CACNA1A: variants seen among roughly 807,000 people sequenced by gnomAD.
The protein encoded by CACNA1A is calcium voltage-gated channel subunit alpha1 A.
Under a neutral mutation model 262.4 loss-of-function variants are expected in CACNA1A, and 57 were observed. The ratio of observed to expected loss-of-function variants is 0.22; its 90% CI spans 0.18 to 0.27. CACNA1A has a LOEUF of 0.27. Among genes scored for constraint, CACNA1A ranks in the 10% least tolerant of loss-of-function variants. The pLI is 1.00. For synonymous variants in CACNA1A, 1,431 were observed against 1,419.3 expected, an observed-to-expected ratio of 1.01 and a Z score of -0.18; for missense variants, 2,526 against 3,562.8, an observed-to-expected ratio of 0.71 and a Z score of 7.41.
At chr19:13,364,745 T>C (rs1019351187) in intron 5 of CACNA1A, 7 of 152,466 alleles carry the variant, frequency 4.6e-5, no homozygotes, top group African/African-American at 1.7e-4. Context: ...GTTCAAGTGA[T>C]TCTCCTGCCT....
chr19:13,355,091 G>C (rs887510681), intron 6 of CACNA1A, among the ~76,000 whole-genome samples: 36 of 152,036 alleles, frequency 2.4e-4, no homozygotes, highest in African/African-American at 5.1e-4. Context: ...GGCCAGGCTG[G>C]TCTCAAACTC....
At chr19:13,452,556 T>C in intron 3 of CACNA1A, 1 of 193,888 alleles carries the variant, frequency 5.2e-6, no homozygotes, top group South Asian at 1.6e-4. Context: ...GAGTTTCTGA[T>C]TCCTCAGTGG....
At chr19:13,349,377 C>A (rs950317177) in intron 6 of CACNA1A, among the ~76,000 whole-genome samples, 13 of 152,290 alleles carry the variant, frequency 8.5e-5, no homozygotes, top group African/African-American at 3.1e-4. Context: ...GAGGGTAGGT[C>A]CTGTACCCCA....
chr19:13,374,902 C>T (rs2059379765), intron 3 of CACNA1A, among the ~76,000 whole-genome samples: 1 of 152,160 alleles, frequency 6.6e-6, no homozygotes, highest in African/African-American at 2.4e-5. Flanking sequence ...AACTCCTGGG[C>T]TCAAGGGATC....
chr19:13,207,976 G>A lies in CACNA1A; in HGVS notation c.6858C>T (p.Leu2286=), dbSNP rs1438053529. Residue 2286 remains leucine, a synonymous_variant, in exon 47 of 47, where the codon CTC becomes CTT. Transcript: ENST00000360228. The surrounding 1 kb of genome is among the most constrained non-coding windows in gnomAD (Gnocchi z 5.7). ...TSTPRRGRRQ[L]PQTPSTPRPH... ...GCCGGGGGGTGGAGGGGGTCTGGGG[G>A]AGCTGGCGGCGGCCCCGCCGCGGAG... The A allele has an allele frequency of 1.5e-6, 2 of 1,332,800 alleles. No homozygotes were observed. The highest frequency in any genetic ancestry group is 1.9e-6 in the Non-Finnish European group (2 of 1,045,758). The allele number at this position is 1,332,800 out of a possible 1,614,324, so 82.6% of individuals were successfully genotyped here.
At chr19:13,217,924 ATTCTTTTTT>A (rs1233238476) in intron 38 of CACNA1A, among the ~76,000 whole-genome samples, 1 of 103,498 alleles carries the variant, frequency 9.7e-6, no homozygotes, top group Non-Finnish European at 1.8e-5. Flanking sequence ...TGTATAGTTC[ATTCTTTTTT>A]TTTTTTTTTT....
chr19:13,376,574 T>G (rs982354765), intron 3 of CACNA1A, among the ~76,000 whole-genome samples: 2 of 148,800 alleles, frequency 1.3e-5, no homozygotes, highest in Non-Finnish European at 3.0e-5. Context: ...TAATATATGT[T>G]ATATATAACA....
chr19:13,230,923 G>A (rs1308819100), intron 35 of CACNA1A, among the ~76,000 whole-genome samples: 1 of 151,968 alleles, frequency 6.6e-6, no homozygotes, highest in African/African-American at 2.4e-5. Context: ...GAACCACTGT[G>A]ACCCCAAATC....
At chr19:13,255,672 C>CCCTCCCTCCTTCCTTCATT (rs2056527107) in intron 28 of CACNA1A, among the ~76,000 whole-genome samples, 1 of 135,098 alleles carries the variant, frequency 7.4e-6, no homozygotes, top group Non-Finnish European at 1.6e-5. Context: ...CTCCCTCGCT[C>CCCTCCCTCCTTCCTTCATT]CCTCCCTCCT....
chr19:13,294,137 T>A (rs2057606222), intron 19 of CACNA1A, among the ~76,000 whole-genome samples: 1 of 150,806 alleles, frequency 6.6e-6, no homozygotes, highest in Non-Finnish European at 1.5e-5. Flanking sequence ...ACATGAGGTC[T>A]TGCTCATCTC....
chr19:13,390,682 T>C (rs1203016713), intron 3 of CACNA1A, among the ~76,000 whole-genome samples: 1 of 152,192 alleles, frequency 6.6e-6, no homozygotes, highest in East Asian at 1.9e-4. Context: ...TTCTATCCAC[T>C]ATTTACCATG....
intron 3 of CACNA1A, among the ~76,000 whole-genome samples, chr19:13,420,042 C>T (rs1348468187): frequency 1.3e-5 from 2 of 152,004 alleles, no homozygotes; most frequent in East Asian, 1.9e-4. Context: ...GCCGAGACTA[C>T]TACACTCCAG....
At chr19:13,476,989 T>A (rs1228343457) in intron 1 of CACNA1A, among the ~76,000 whole-genome samples, 1 of 152,084 alleles carries the variant, frequency 6.6e-6, no homozygotes, top group Non-Finnish European at 1.5e-5. Context: ...CCCAGCTCCC[T>A]CAGAGCAAAA....
At chr19:13,294,387 C>G (rs2057615201) in intron 19 of CACNA1A, among the ~76,000 whole-genome samples, 1 of 151,276 alleles carries the variant, frequency 6.6e-6, no homozygotes, top group Admixed American at 6.6e-5. Flanking sequence ...GCCTCCCATT[C>G]TCTAAATGCT....
intron 24 of CACNA1A, 54 bp downstream of exon 24, chr19:13,275,796 C>T (rs2057133433): frequency 8.2e-7 from 1 of 1,221,478 alleles, no homozygotes; most frequent in Non-Finnish European, 1.2e-6. Flanking sequence ...ATGTGTGGCC[C>T]AGGCTGGGGG....
chr19:13,254,483 C>T (rs2056490549), intron 29 of CACNA1A, among the ~76,000 whole-genome samples: 1 of 152,066 alleles, frequency 6.6e-6, no homozygotes, highest in African/African-American at 2.4e-5. Flanking sequence ...CTGCCTCAGC[C>T]TCCCGAGTAG....
At chr19:13,502,157 T>TAAA (rs57962801) in intron 1 of CACNA1A, among the ~76,000 whole-genome samples, 2 of 138,056 alleles carry the variant, frequency 1.4e-5, no homozygotes, top group African/African-American at 5.3e-5. Context: ...GAGCTTTTCT[T>TAAA]AAAAAAAAAA....
At chr19:13,452,487 C>T (rs2060933843) in intron 3 of CACNA1A, 1 of 160,730 alleles carries the variant, frequency 6.2e-6, no homozygotes, top group African/African-American at 2.4e-5. Flanking sequence ...GCATAATCTT[C>T]TGTTCATCTC....
intron 6 of CACNA1A, 118 bp downstream of exon 6, chr19:13,359,488 T>C (rs2059064328): frequency 2.6e-6 from 2 of 755,010 alleles, no homozygotes; most frequent in Non-Finnish European, 4.5e-6. Context: ...TGTGTTGTCC[T>C]TGGGCTGCCT....
Sources: allele counts gnomAD v4.1 joint callset (sites outside exome capture counted in the v4.1 genomes callset), GRCh38; gene constraint gnomAD v4.1.1; non-coding constraint Gnocchi (gnomAD v3.1); transcripts MANE v1.5; gene names NCBI Gene and HGNC (gene_info 2026-07-23, HGNC 2026-07-21).